Variants in ZC3H18 observed in about 807,000 individuals in gnomAD.
ZC3H18 encodes the protein zinc finger CCCH domain-containing protein 18.
A neutral mutation model predicts 106.1 loss-of-function variants in ZC3H18; 8 were observed. The ratio of observed to expected loss-of-function variants is 0.08; its 90% CI spans 0.04 to 0.14. ZC3H18 has a LOEUF of 0.14. ZC3H18 is among the 10% of genes least tolerant of loss of function. The probability of loss-of-function intolerance (pLI) is 1.00; values close to 1 mark genes in which losing one functional copy is unlikely to be tolerated. For synonymous variants in ZC3H18, 635 were observed against 522.1 expected, an observed-to-expected ratio of 1.22 and a Z score of -2.95; for missense variants, 1,318 against 1,278.4, an observed-to-expected ratio of 1.03 and a Z score of -0.47.
intron 3 of ZC3H18, among the ~76,000 whole-genome samples, chr16:88,596,107 A>G (rs2142655986): frequency 6.6e-6 from 1 of 152,150 alleles, no homozygotes; most frequent in African/African-American, 2.4e-5. Flanking sequence ...CGAGAGCTGA[A>G]CACTGTCACC....
chr16:88,599,436 T>C (rs1904628566), intron 5 of ZC3H18, among the ~76,000 whole-genome samples: 1 of 152,164 alleles, frequency 6.6e-6, no homozygotes. Context: ...ATGTTCCTTC[T>C]CACTCCCTCG....
At chr16:88,612,348 C>G (rs1011413597) in intron 8 of ZC3H18, among the ~76,000 whole-genome samples, 1 of 152,052 alleles carries the variant, frequency 6.6e-6, no homozygotes, top group African/African-American at 2.4e-5. Flanking sequence ...CAGCCATCAT[C>G]GCAATCAACA....
At chr16:88,580,158 G>C (rs980524974) in intron 2 of ZC3H18, among the ~76,000 whole-genome samples, 4 of 25,234 alleles carry the variant, frequency 1.6e-4, no homozygotes, top group Non-Finnish European at 4.3e-4. Context: ...AGGTTCATCT[G>C]TGTGTGTGTG....
chr16:88,575,167 CAAAA>C (rs11366365), intron 1 of ZC3H18, among the ~76,000 whole-genome samples: 1 of 146,972 alleles, frequency 6.8e-6, no homozygotes, highest in Non-Finnish European at 1.5e-5. Context: ...CCATTAACAG[CAAAA>C]AAAAAAAATG....
intron 13 of ZC3H18, chr16:88,625,728 G>C (rs965485023): frequency 1.7e-5 from 3 of 176,632 alleles, no homozygotes; most frequent in African/African-American, 7.2e-5. Context: ...GGCCAGGTGC[G>C]GCGGCTCACA....
chr16:88,622,601 G>A (rs1906035128), intron 9 of ZC3H18: 7 of 566,898 alleles, frequency 1.2e-5, no homozygotes, highest in South Asian at 2.6e-5. Flanking sequence ...CCCCAAATGG[G>A]GCACAGACCC....
intron 6 of ZC3H18, among the ~76,000 whole-genome samples, chr16:88,603,378 T>C (rs1904848652): frequency 6.6e-6 from 1 of 151,438 alleles, no homozygotes; most frequent in South Asian, 2.1e-4. Flanking sequence ...CCCAGCACTT[T>C]GGGAGGCCAA....
rs1477022678 is a variant in ZC3H18, at chr16:88,628,101, G to A, written c.2451G>A (p.Lys817=). 3 of 1,613,904 alleles carry A rather than the reference G, an allele frequency of 1.9e-6. No individual in the cohort carries two copies. The highest frequency in any genetic ancestry group is 1.7e-6 in the Non-Finnish European group (2 of 1,179,938). Residue 817 remains lysine, a synonymous_variant, in exon 15 of 18, where the codon AAG becomes AAA. Coordinates refer to ENST00000301011, the MANE Select transcript of ZC3H18 (RefSeq NM_144604.4). ...QGTFVAHKEI[K]LTLLNKAADK... ...CATTTGTGGCCCACAAGGAGATCAA[G>A]TTGACACTGTTGAATAAGGTGAGGG...
At chr16:88,630,698 G>T in intron 17 of ZC3H18, 117 bp downstream of exon 17, 1 of 766,788 alleles carries the variant, frequency 1.3e-6, no homozygotes, top group Non-Finnish European at 2.0e-6. Context: ...CGTCACTACA[G>T]CTCCTGCTGG....
chr16:88,594,393 A>C (rs781399127), intron 3 of ZC3H18, among the ~76,000 whole-genome samples: 4 of 152,244 alleles, frequency 2.6e-5, no homozygotes, highest in African/African-American at 9.6e-5. Flanking sequence ...ATTGATATTT[A>C]CTGTATTCAA....
At chr16:88,604,893 A>G (rs905867854) in intron 6 of ZC3H18, among the ~76,000 whole-genome samples, 1 of 152,078 alleles carries the variant, frequency 6.6e-6, no homozygotes, top group Non-Finnish European at 1.5e-5. Context: ...CTGTCAGGCC[A>G]TGGCCAGGGC....
At chr16:88,612,759 T>C (rs1480169111) in intron 8 of ZC3H18, among the ~76,000 whole-genome samples, 2 of 152,078 alleles carry the variant, frequency 1.3e-5, no homozygotes, top group African/African-American at 4.8e-5. Flanking sequence ...CTCAGCACTT[T>C]GGGCGGCCGG....
intron 7 of ZC3H18, among the ~76,000 whole-genome samples, chr16:88,610,179 G>A (rs1178366441): frequency 6.6e-6 from 1 of 152,196 alleles, no homozygotes; most frequent in Non-Finnish European, 1.5e-5. Flanking sequence ...TGAGTTATGT[G>A]CTTCAGACTG....
chr16:88,579,508 G>A (rs1567576645), intron 2 of ZC3H18, among the ~76,000 whole-genome samples: 1 of 152,190 alleles, frequency 6.6e-6, no homozygotes, highest in Non-Finnish European at 1.5e-5. Context: ...CCATGTCTGT[G>A]GAGCATACTG....
Position 88,586,653 on chromosome 16 carries a change from G to A in ZC3H18, c.657G>A (p.Arg219=), listed in dbSNP as rs1188273303. The A allele has an allele frequency of 1.2e-6, 2 of 1,614,174 alleles. No homozygotes were observed. Among genetic ancestry groups the A allele is most frequent in the Non-Finnish European group, 1.7e-6 (2 of 1,180,032 alleles). The part of the protein sequence containing the change: ...EVKDPSDRKV[R]PRPTCRFFMK... ...AGGACCCCAGTGACAGGAAGGTGAG[G>A]CCTCGTCCCACCTGCCGGTTCTTCA... Residue 219 remains arginine (R), a synonymous_variant, in exon 3 of 18, where the codon AGG becomes AGA. Coordinates refer to ENST00000301011, the MANE Select transcript of ZC3H18 (RefSeq NM_144604.4).
intron 2 of ZC3H18, among the ~76,000 whole-genome samples, chr16:88,580,077 A>C (rs1189222109): frequency 6.6e-6 from 1 of 150,616 alleles, no homozygotes; most frequent in Non-Finnish European, 1.5e-5. Context: ...AGGCTCCTCC[A>C]TCCTTTATGT....
intron 8 of ZC3H18, among the ~76,000 whole-genome samples, chr16:88,621,728 T>C (rs1240803555): frequency 6.6e-6 from 1 of 152,172 alleles, no homozygotes; most frequent in Non-Finnish European, 1.5e-5. Context: ...CGACCTCAAG[T>C]AATCCACCCG....
rs143640117 is a variant in ZC3H18 at position 88,623,197 on chromosome 16, C to T, written c.1668-22C>T. On this transcript the variant is annotated intron_variant, in intron 9 of 17. Transcript: ENST00000301011. Reference sequence around the variant, plus strand: ...GGAGGGCCCTTCTCACTTCTCGCCACGCTCCGTCCCGCCCGCCCCAGGTCG... The same window carrying T: ...GGAGGGCCCTTCTCACTTCTCGCCATGCTCCGTCCCGCCCGCCCCAGGTCG... 3.4e-4 allele frequency: 543 copies of T among 1,608,462 alleles called. 3 individuals are homozygous for T. The African/African-American group carries it at 6.1e-3, about 18-fold the overall frequency.
At position 88,628,057 on chromosome 16, in the gene ZC3H18, G is replaced by A. The variant is rs781375230; in HGVS notation, c.2407G>A (p.Gly803Arg). The A allele has an allele frequency of 6.8e-6, 11 of 1,613,910 alleles. 1 individual carries two copies. The highest frequency in any genetic ancestry group is 4.4e-5 in the South Asian group (4 of 91,090). The stretch of plus-strand genomic sequence containing the variant: ...CTCGACACCCCAGCAGGCACCCCCC[G>A]GGCAGCCCCAGCAGGGCACATTTGT... The part of the protein sequence containing the change: ...QPSTPQQAPP[G>R]QPQQGTFVAH... The change falls in exon 15 of 18, where the codon GGG becomes AGG. Residue 803 changes from glycine (G) to arginine (R), a missense_variant. Physicochemically the swap from Gly to Arg is moderately radical, Grantham distance 125. Coordinates refer to ENST00000301011, the MANE Select transcript of ZC3H18 (RefSeq NM_144604.4).
Sources: allele counts gnomAD v4.1 joint callset (sites outside exome capture counted in the v4.1 genomes callset), GRCh38; gene constraint gnomAD v4.1.1; transcripts MANE v1.5; gene names NCBI Gene and HGNC (gene_info 2026-07-23, HGNC 2026-07-21).